The following KALRN variants were observed in gnomAD, a reference collection of about 807,000 sequenced individuals.
The protein encoded by KALRN is kalirin RhoGEF kinase.
In KALRN, 70 loss-of-function variants were observed where a neutral mutation model predicts 353.7. That is an observed-to-expected ratio of 0.20 (90% CI 0.16 to 0.24). KALRN has a LOEUF of 0.24. KALRN is among the 10% of genes least tolerant of loss of function. The probability of loss-of-function intolerance (pLI) is 1.00; values close to 1 mark genes in which losing one functional copy is unlikely to be tolerated. For synonymous variants in KALRN, 1,391 were observed against 1,434.8 expected (o/e 0.97, Z 0.69); for missense variants, 2,791 against 3,756.7 (o/e 0.74, Z 6.72).
chr3:124,567,708 G>A (rs1010910308), intron 34 of KALRN, among the ~76,000 whole-genome samples: 2 of 152,108 alleles, frequency 1.3e-5, no homozygotes, highest in Admixed American at 6.6e-5. Context: ...CCACCTGGAG[G>A]AGGTTTCTAA....
rs954181608 is a variant in KALRN, at chr3:124,388,562, G to T, written c.1962+3526G>T. 2.0e-4 allele frequency among the ~76,000 whole-genome samples: 31 copies of T among 152,116 alleles called. 2 individuals carry two copies. The highest frequency in any genetic ancestry group is 1.8e-3 in the Admixed American group (27 of 15,264). ...AATAAATGGGTTTACTTGACAATGG[G>T]AAGCTAGTCTCTCCTAAGAAAAGTA... On this transcript the variant is annotated intron_variant, in intron 11 of 59. Transcript: ENST00000682506.
chr3:124,065,632 TAAAAAA>T (rs56298061), intron 1 of KALRN, among the ~76,000 whole-genome samples: 6 of 131,750 alleles, frequency 4.6e-5, no homozygotes, highest in Non-Finnish European at 4.8e-5. Context: ...ATTCCTTAGT[TAAAAAA>T]AAAAAAAAAA....
chr3:124,395,550 ATTAT>A, intron 12 of KALRN: 1 of 540,164 alleles, frequency 1.9e-6, no homozygotes, highest in Non-Finnish European at 3.3e-6. Context: ...GTTTCAAAGA[ATTAT>A]TTATCATTCA....
intron 21 of KALRN, among the ~76,000 whole-genome samples, chr3:124,449,986 G>C (rs1233293996): frequency 6.6e-6 from 1 of 152,200 alleles, no homozygotes; most frequent in African/African-American, 2.4e-5. Context: ...TGGCTGTCAT[G>C]AATAATGCTG....
At chr3:124,066,630 G>A (rs996363662) in intron 1 of KALRN, among the ~76,000 whole-genome samples, 5 of 152,138 alleles carry the variant, frequency 3.3e-5, no homozygotes, top group Admixed American at 6.6e-5. Flanking sequence ...TGACAATGTC[G>A]GGAATAGGGA....
At chr3:124,276,391 C>G (rs920251766) in intron 5 of KALRN, among the ~76,000 whole-genome samples, 1 of 152,156 alleles carries the variant, frequency 6.6e-6, no homozygotes, top group Non-Finnish European at 1.5e-5. Flanking sequence ...TCCTCTCCCT[C>G]CAAGGTATAA....
Position 124,092,373 on chromosome 3 carries a change from G to A in KALRN, c.73+58560G>A, listed in dbSNP as rs79493536. On this transcript the variant is annotated intron_variant, in intron 1 of 59. Coordinates refer to ENST00000682506, the MANE Select transcript of KALRN (RefSeq NM_001388419.1). ...TCTCCTGCCATGATGCGAGCCTCCC[G>A]TTTCAGATTTCTCCCAAGTTGTGTT... Among the ~76,000 whole-genome samples the A allele has an allele frequency of 2.5e-3, 383 of 152,248 alleles. 3 individuals are homozygous for A. Among genetic ancestry groups the A allele is most frequent in the South Asian group, 6.4e-3 (31 of 4,826 alleles).
rs368927353 is a variant in KALRN, at chr3:124,632,570, G to T, written c.5333G>T (p.Arg1778Leu). 6.2e-7 allele frequency: 1 copy of T among 1,614,194 alleles called. No individual in the cohort carries two copies. Among genetic ancestry groups the T allele is most frequent in the African/African-American group, 1.3e-5 (1 of 75,046 alleles). The change falls in exon 35 of 60, where the codon CGT (arginine) becomes CTT (leucine). Residue 1778 changes from arginine to leucine, a missense_variant. This residue lies in a region of KALRN where 1,065 missense variants were observed against 1,156.4 expected (regional missense o/e 0.92). Coordinates refer to ENST00000682506, the MANE Select transcript of KALRN (RefSeq NM_001388419.1). ...TLKKWLTSPV[R>L]RLNSGKADGN... ...AAGAAGTGGCTGACGAGTCCTGTGC[G>T]TCGGCTTAACAGCGGGAAGGCAGAT...
intron 1 of KALRN, among the ~76,000 whole-genome samples, chr3:124,216,046 T>C (rs1398079404): frequency 6.6e-6 from 1 of 152,214 alleles, no homozygotes. Flanking sequence ...CCTTGGTGTC[T>C]ACAAAACTCA....
At chr3:124,618,358 G>A (rs1041546522) in intron 34 of KALRN, among the ~76,000 whole-genome samples, 1 of 150,778 alleles carries the variant, frequency 6.6e-6, no homozygotes, top group Admixed American at 6.6e-5. Flanking sequence ...TTCATGATCC[G>A]CCCACCTCGG....
chr3:124,271,533 A>T (rs1237648198), intron 5 of KALRN, among the ~76,000 whole-genome samples: 1 of 152,232 alleles, frequency 6.6e-6, no homozygotes, highest in Admixed American at 6.5e-5. Flanking sequence ...GATAATTACT[A>T]CTTTACAGTT....
chr3:124,232,104 T>C (rs1022285359), intron 2 of KALRN, among the ~76,000 whole-genome samples: 5 of 152,180 alleles, frequency 3.3e-5, no homozygotes, highest in African/African-American at 4.8e-5. Flanking sequence ...CCCTCTTTTC[T>C]GGGATCTCAT....
At chr3:124,576,921 G>A (rs34927208) in intron 34 of KALRN, among the ~76,000 whole-genome samples, 6 of 152,164 alleles carry the variant, frequency 3.9e-5, no homozygotes, top group Non-Finnish European at 7.4e-5. Flanking sequence ...AGAGGTAAAC[G>A]TTTTTGGAAG....
intron 33 of KALRN, among the ~76,000 whole-genome samples, chr3:124,526,361 C>T (rs1183153152): frequency 6.6e-6 from 1 of 151,992 alleles, no homozygotes; most frequent in Non-Finnish European, 1.5e-5. Flanking sequence ...TCACTTGAGC[C>T]CAGGAGTTCG....
chr3:124,068,885 A>G (rs1324038865), intron 1 of KALRN, among the ~76,000 whole-genome samples: 1 of 152,206 alleles, frequency 6.6e-6, no homozygotes, highest in Non-Finnish European at 1.5e-5. Flanking sequence ...CACTGGATGC[A>G]TGAGGTAGTA....
chr3:124,067,109 G>A (rs552236764), intron 1 of KALRN, among the ~76,000 whole-genome samples: 1 of 152,272 alleles, frequency 6.6e-6, no homozygotes, highest in African/African-American at 2.4e-5. Flanking sequence ...CTTCAGATAA[G>A]AAAACAGTTC....
At chr3:124,508,659 G>T (rs9853133) in intron 33 of KALRN, among the ~76,000 whole-genome samples, 1 of 152,242 alleles carries the variant, frequency 6.6e-6, no homozygotes, top group Non-Finnish European at 1.5e-5. Flanking sequence ...TTTCTCTAGG[G>T]TATAAAACTA....
intron 25 of KALRN, among the ~76,000 whole-genome samples, chr3:124,470,341 A>G (rs1276536347): frequency 6.6e-6 from 1 of 152,200 alleles, no homozygotes; most frequent in Non-Finnish European, 1.5e-5. Flanking sequence ...ATTTGAATTC[A>G]TCATGTCTAT....
At chr3:124,303,947 G>C (rs1560510128) in intron 6 of KALRN, among the ~76,000 whole-genome samples, 1 of 152,036 alleles carries the variant, frequency 6.6e-6, no homozygotes, top group Admixed American at 6.5e-5. Context: ...GAAAAATCAA[G>C]ATTCTGAGGC....
Sources: gnomAD v4.1 joint callset for allele counts (sites outside exome capture counted in the v4.1 genomes callset) on GRCh38, gnomAD v4.1.1 for gene constraint, gnomAD v4.1.1 regional missense constraint, MANE v1.5 for transcripts, NCBI Gene and HGNC (gene_info 2026-07-23, HGNC 2026-07-21) for gene names.